Variants in GRM5 observed in about 807,000 individuals in gnomAD.
The protein encoded by GRM5 is glutamate metabotropic receptor 5.
GRM5 carries 19 observed loss-of-function variants against 83.1 expected under a neutral mutation model. That is an observed-to-expected ratio of 0.23 (90% CI 0.16 to 0.34). The LOEUF is 0.34. Among genes scored for constraint, GRM5 ranks in the 10% least tolerant of loss-of-function variants. The pLI is 1.00. For missense variants in GRM5, 1,160 were observed against 1,588.3 expected (o/e 0.73, Z 4.58); for synonymous variants, 675 against 633.6 (o/e 1.07, Z -0.98).
At chr11:88,757,345 A>G (rs1942415696) in intron 3 of GRM5, among the ~76,000 whole-genome samples, 1 of 152,192 alleles carries the variant, frequency 6.6e-6, no homozygotes, top group South Asian at 2.1e-4. Flanking sequence ...GCACTCTGCC[A>G]TGCCTCTGCT....
Position 89,058,642 on chromosome 11 carries a change from T to C in GRM5, c.-201+7134A>G, listed in dbSNP as rs77382821. Among the ~76,000 whole-genome samples, 614 of 152,314 alleles carry C rather than the reference T, an allele frequency of 4.0e-3. 3 individuals are homozygous for C. The highest frequency in any genetic ancestry group is 7.2e-3 in the Non-Finnish European group (493 of 68,020). ...CTTACTCAATGTTTATGCAGTTATT[T>C]GTCTGTATTATCTTGTTGAAAAGGT... is the stretch of plus-strand genomic sequence containing the variant. On this transcript the variant is annotated intron_variant, in intron 1 of 9. Transcript: ENST00000305447.
intron 3 of GRM5, among the ~76,000 whole-genome samples, chr11:88,736,989 G>A (rs1941927870): frequency 6.6e-6 from 1 of 152,088 alleles, no homozygotes. Flanking sequence ...GGATAGATCA[G>A]ATTAAGTGCT....
intron 4 of GRM5, among the ~76,000 whole-genome samples, chr11:88,632,770 A>G (rs1373269264): frequency 6.6e-6 from 1 of 152,236 alleles, no homozygotes; most frequent in African/African-American, 2.4e-5. Context: ...CTATTTTCCA[A>G]AATGGTTATA....
intron 2 of GRM5, among the ~76,000 whole-genome samples, chr11:88,865,017 T>A (rs1944639066): frequency 1.3e-5 from 2 of 152,106 alleles, no homozygotes; most frequent in South Asian, 4.1e-4. Context: ...GTGAGGGAAC[T>A]CTTCAAGGAG....
At chr11:88,805,185 A>T (rs1421370061) in intron 3 of GRM5, among the ~76,000 whole-genome samples, 4 of 151,888 alleles carry the variant, frequency 2.6e-5, no homozygotes, top group Non-Finnish European at 5.9e-5. Flanking sequence ...ACTTATTTTA[A>T]TTTATTTTAT....
intron 3 of GRM5, among the ~76,000 whole-genome samples, chr11:88,764,049 CA>C (rs938407719): frequency 5.3e-5 from 8 of 151,104 alleles, no homozygotes; most frequent in African/African-American, 1.9e-4. Context: ...AAATACAAAC[CA>C]AAAGACAGAA....
intron 2 of GRM5, among the ~76,000 whole-genome samples, chr11:88,952,361 T>G (rs1027728665): frequency 6.6e-6 from 1 of 152,218 alleles, no homozygotes; most frequent in African/African-American, 2.4e-5. Context: ...TTGTATAGAT[T>G]GTAATCCCTG....
chr11:88,775,999 A>G (rs999626506), intron 3 of GRM5, among the ~76,000 whole-genome samples: 9 of 152,092 alleles, frequency 5.9e-5, no homozygotes, highest in African/African-American at 2.2e-4. Flanking sequence ...TATCCTTGTT[A>G]ACCTTCTGTC....
intron 2 of GRM5, among the ~76,000 whole-genome samples, chr11:88,943,560 G>T (rs544604886): frequency 1.1e-4 from 16 of 151,852 alleles, no homozygotes; most frequent in African/African-American, 3.6e-4. Flanking sequence ...CTAAAAATTC[G>T]CCTTCTTCTG....
chr11:88,776,550 T>G (rs569313266), intron 3 of GRM5, among the ~76,000 whole-genome samples: 1 of 152,354 alleles, frequency 6.6e-6, no homozygotes, highest in South Asian at 2.1e-4. Flanking sequence ...TCTTTACAAT[T>G]TGGCACATTT....
At chr11:88,757,432 G>C (rs1387921597) in intron 3 of GRM5, among the ~76,000 whole-genome samples, 1 of 152,084 alleles carries the variant, frequency 6.6e-6, no homozygotes, top group Non-Finnish European at 1.5e-5. Context: ...CACAGAGCCT[G>C]CCAGCCTCAC....
chr11:88,777,630 C>CT (rs1259985753), intron 3 of GRM5, among the ~76,000 whole-genome samples: 1 of 151,776 alleles, frequency 6.6e-6, no homozygotes. Flanking sequence ...TGTAGATTAC[C>CT]TTTTTGTTGA....
intron 8 of GRM5, among the ~76,000 whole-genome samples, chr11:88,528,390 TA>T (rs1391292482): frequency 6.6e-6 from 1 of 152,094 alleles, no homozygotes; most frequent in African/African-American, 2.4e-5. Flanking sequence ...ATCATATTTT[TA>T]TTCATTCACT....
At chr11:88,647,541 A>C (rs60629352) in intron 4 of GRM5, among the ~76,000 whole-genome samples, 3,806 of 152,250 alleles carry the variant, frequency 0.025, 147 homozygotes, top group African/African-American at 0.085. Flanking sequence ...ACCTAAAACC[A>C]TAAAAACCCT....
At chr11:88,770,741 A>C (rs11021273) in intron 3 of GRM5, among the ~76,000 whole-genome samples, 4,735 of 152,174 alleles carry the variant, frequency 0.031, 219 homozygotes, top group African/African-American at 0.095. Context: ...CTTGACAGAA[A>C]TTGATAGGGG....
intron 3 of GRM5, among the ~76,000 whole-genome samples, chr11:88,669,803 T>C (rs1940146255): frequency 6.6e-6 from 1 of 152,038 alleles, no homozygotes; most frequent in African/African-American, 2.4e-5. Flanking sequence ...AGAGTTATAC[T>C]GTATTCATAA....
At position 88,517,573 on chromosome 11, in the gene GRM5, A is replaced by T. The variant is rs148086313; in HGVS notation, c.2726+7736T>A. ...CTGAGTAACTTTCGTCTACATTTCA[A>T]TATTACCATTATACATAATGGGAAT... On this transcript the variant is annotated intron_variant, in intron 9 of 9. Coordinates refer to ENST00000305447, the MANE Select transcript of GRM5 (RefSeq NM_001143831.3). Among the ~76,000 whole-genome samples, 466 of 152,308 alleles carry T rather than the reference A, an allele frequency of 3.1e-3. 4 individuals are homozygous for T. The highest frequency in any genetic ancestry group is 5.9e-3 in the African/African-American group (246 of 41,592).
At chr11:88,648,013 G>A (rs946743229) in intron 4 of GRM5, among the ~76,000 whole-genome samples, 1 of 151,386 alleles carries the variant, frequency 6.6e-6, no homozygotes, top group Admixed American at 6.6e-5. Flanking sequence ...AACAGGTGCT[G>A]GAGAGGATGT....
chr11:88,886,391 G>A (rs981603685), intron 2 of GRM5, among the ~76,000 whole-genome samples: 3 of 152,146 alleles, frequency 2.0e-5, no homozygotes, highest in African/African-American at 7.2e-5. Context: ...TTTATTCTGA[G>A]GCCCTTGGCT....
Sources: allele counts gnomAD v4.1 joint callset (sites outside exome capture counted in the v4.1 genomes callset), GRCh38; gene constraint gnomAD v4.1.1; transcripts MANE v1.5; gene names NCBI Gene and HGNC (gene_info 2026-07-23, HGNC 2026-07-21).